Variants in ZNF292 observed in about 807,000 individuals in gnomAD.
ZNF292 encodes zinc finger protein 292.
ZNF292 carries 26 observed loss-of-function variants against 217.9 expected under a neutral mutation model. That is an observed-to-expected ratio of 0.12 (90% confidence interval 0.09 to 0.17). ZNF292 has a LOEUF of 0.17. Ranked by LOEUF, ZNF292 falls within the 10% of genes least tolerant of loss-of-function variation. ZNF292 has a pLI of 1.00. For synonymous variants in ZNF292, 1,257 were observed against 1,124.1 expected, an observed-to-expected ratio of 1.12 and a Z score of -2.37; for missense variants, 2,904 against 3,175.2, an observed-to-expected ratio of 0.91 and a Z score of 2.05.
chr6:87,215,006 A>C (rs1270394092), intron 1 of ZNF292: 1 of 151,900 alleles, frequency 6.6e-6, no homozygotes, highest in African/African-American at 2.4e-5. Context: ...AGGAAAAGAA[A>C]CCTGAATTTC....
At position 87,197,922 on chromosome 6, in the gene ZNF292, A is replaced by G. The variant is rs371075687; in HGVS notation, c.169-17981A>G. Among the ~76,000 whole-genome samples, 6 of 152,184 alleles carry G rather than the reference A, an allele frequency of 3.9e-5. No individual in the cohort carries two copies. The East Asian group carries it at 1.2e-3, about 29-fold the overall frequency. On this transcript the variant is annotated intron_variant, in intron 1 of 7. Transcript: ENST00000369577. ...GATCATTTCTATTTTAAGAATATTT[A>G]TGTATCTTAAGAACAGGTCTCTCTG...
intron 4 of ZNF292, among the ~76,000 whole-genome samples, chr6:87,228,347 T>C (rs1295589618): frequency 6.6e-6 from 1 of 152,196 alleles, no homozygotes; most frequent in African/African-American, 2.4e-5. Context: ...AGAGATATGA[T>C]TTGCAAATAT....
chr6:87,164,242 G>C (rs1198585128), intron 1 of ZNF292, among the ~76,000 whole-genome samples: 1 of 152,148 alleles, frequency 6.6e-6, no homozygotes, highest in Non-Finnish European at 1.5e-5. Context: ...AGACAGGCTG[G>C]TCTAAAGGCT....
At chr6:87,248,362 A>G (rs1774719365) in intron 7 of ZNF292, among the ~76,000 whole-genome samples, 1 of 152,224 alleles carries the variant, frequency 6.6e-6, no homozygotes, top group Non-Finnish European at 1.5e-5. Context: ...AGGAAAGAAT[A>G]TGAATGAATC....
At chr6:87,182,367 TAAA>T (rs1206460939) in intron 1 of ZNF292, among the ~76,000 whole-genome samples, 1 of 152,204 alleles carries the variant, frequency 6.6e-6, no homozygotes, top group East Asian at 1.9e-4. Context: ...CTTGGTAGCT[TAAA>T]AAATTTCCAC....
chr6:87,165,293 GC>G (rs2127770652), intron 1 of ZNF292, among the ~76,000 whole-genome samples: 1 of 152,168 alleles, frequency 6.6e-6, no homozygotes, highest in South Asian at 2.1e-4. Flanking sequence ...ATTTCAGTTT[GC>G]AGAAATCAAA....
chr6:87,167,077 T>C (rs1481190415), intron 1 of ZNF292, among the ~76,000 whole-genome samples: 1 of 152,244 alleles, frequency 6.6e-6, no homozygotes, highest in Non-Finnish European at 1.5e-5. Context: ...TACTGTTTTA[T>C]TGTAGTAGTG....
chr6:87,245,237 GA>G (rs879919953), intron 6 of ZNF292, among the ~76,000 whole-genome samples: 29 of 146,018 alleles, frequency 2.0e-4, no homozygotes, highest in Admixed American at 7.5e-4. Flanking sequence ...GACTGTCTCA[GA>G]AAAAAAAAAA....
At chr6:87,165,897 A>G (rs1179885956) in intron 1 of ZNF292, among the ~76,000 whole-genome samples, 1 of 151,788 alleles carries the variant, frequency 6.6e-6, no homozygotes, top group African/African-American at 2.4e-5. Context: ...AGCTGGGACT[A>G]CAGGCAGGCA....
At chr6:87,240,749 C>T (rs539573423) in intron 5 of ZNF292, among the ~76,000 whole-genome samples, 1 of 152,168 alleles carries the variant, frequency 6.6e-6, no homozygotes, top group East Asian at 1.9e-4. Context: ...AGAAGAACAA[C>T]AAAAATGATA....
intron 1 of ZNF292, among the ~76,000 whole-genome samples, chr6:87,202,762 T>C (rs1445640869): frequency 3.3e-5 from 5 of 152,130 alleles, no homozygotes; most frequent in African/African-American, 1.2e-4. Flanking sequence ...ATCCATGATT[T>C]TGTTTTCTGT....
chr6:87,222,504 T>C (rs556420505), intron 4 of ZNF292, among the ~76,000 whole-genome samples: 41 of 152,258 alleles, frequency 2.7e-4, no homozygotes, highest in African/African-American at 9.9e-4. Flanking sequence ...TAAAGTTCTT[T>C]TATGTAAGAT....
At position 87,245,612 on chromosome 6, in the gene ZNF292, A is replaced by G. The variant is rs774287763; in HGVS notation, c.988A>G (p.Ile330Val). The change falls in exon 7 of 8, where the codon ATT (isoleucine) becomes GTT (valine). Residue 330 changes from isoleucine to valine, a missense_variant. By Grantham distance (29) the Ile-to-Val change is conservative (BLOSUM62 3). Around this residue, in one of 15 missense-constraint regions of ZNF292, gnomAD observed 313 missense variants for 451.0 expected, o/e 0.69. Transcript: ENST00000369577. ...LSLLTKTVYH[I>V]FFLIKVINSE... ...TTTGTTAACGAAAACAGTATATCAC[A>G]TTTTCTTCCTGATTAAAGTTATTAA... The G allele has an allele frequency of 6.1e-5, 93 of 1,529,340 alleles. No homozygotes were observed. The highest frequency in any genetic ancestry group is 8.3e-5 in the Non-Finnish European group (93 of 1,123,348). 94.7% of individuals were successfully genotyped at this position (1,529,340 alleles called of 1,614,324 possible). A position where few individuals can be genotyped will look rare whatever the true frequency, so the allele number is the denominator to read the frequency against.
chr6:87,199,784 C>T (rs558313010), intron 1 of ZNF292, among the ~76,000 whole-genome samples: 3 of 152,260 alleles, frequency 2.0e-5, no homozygotes, highest in South Asian at 4.1e-4. Context: ...GTCACTTATA[C>T]AATGAGTATA....
chr6:87,256,295 C>T lies in ZNF292; in HGVS notation c.2666C>T (p.Ala889Val). 1 of 1,613,688 alleles carries T rather than the reference C, an allele frequency of 6.2e-7. No homozygotes were observed. Among genetic ancestry groups the T allele is most frequent in the Non-Finnish European group, 8.5e-7 (1 of 1,179,836 alleles). ...ENSLLADRSD[A>V]WDKSKAESAV... ...AGCTTACTAGCAGATAGAAGTGATG[C>T]TTGGGATAAAAGCAAAGCAGAATCA... Residue 889 changes from alanine to valine, a missense_variant, in exon 8 of 8, where the codon GCT becomes GTT. By Grantham distance (64) the Ala-to-Val change is moderately conservative. Around this residue, in one of 15 missense-constraint regions of ZNF292, gnomAD observed 687 missense variants for 623.0 expected, o/e 1.10. Coordinates refer to ENST00000369577, the MANE Select transcript of ZNF292 (RefSeq NM_015021.3).
intron 7 of ZNF292, chr6:87,249,343 T>A: frequency 2.3e-6 from 1 of 430,096 alleles, no homozygotes; most frequent in South Asian, 1.7e-5. Flanking sequence ...CCCAGATTTA[T>A]CTCCAACTCC....
chr6:87,209,093 G>T (rs1772368651), intron 1 of ZNF292, among the ~76,000 whole-genome samples: 1 of 106,678 alleles, frequency 9.4e-6, no homozygotes, highest in African/African-American at 5.0e-5. Context: ...CTCATTTTTA[G>T]CCCCACTTTC....
chr6:87,210,561 C>T (rs1772440331), intron 1 of ZNF292, among the ~76,000 whole-genome samples: 1 of 151,936 alleles, frequency 6.6e-6, no homozygotes, highest in Non-Finnish European at 1.5e-5. Context: ...GCGGGCGGAT[C>T]ACGAGGTCAA....
At chr6:87,199,332 A>C (rs1184427005) in intron 1 of ZNF292, among the ~76,000 whole-genome samples, 2 of 152,212 alleles carry the variant, frequency 1.3e-5, no homozygotes, top group Admixed American at 1.3e-4. Context: ...CATTTTAAAA[A>C]ACCAGGTTGT....
Sources: allele counts gnomAD v4.1 joint callset (sites outside exome capture counted in the v4.1 genomes callset), GRCh38; gene constraint gnomAD v4.1.1; regional missense constraint gnomAD v4.1.1; transcripts MANE v1.5; gene names NCBI Gene and HGNC (gene_info 2026-07-23, HGNC 2026-07-21).